ERCC1: variants seen among roughly 807,000 people sequenced by gnomAD.
ERCC1 encodes ERCC excision repair 1, endonuclease non-catalytic subunit, also known as DNA excision repair protein ERCC-1.
ERCC1 carries 36 observed loss-of-function variants against 37.6 expected under a neutral mutation model. That is an observed-to-expected ratio of 0.96 (90% confidence interval 0.73 to 1.26). The LOEUF is 1.26. ERCC1 is among the 50% of genes most tolerant of loss of function. The probability of loss-of-function intolerance (pLI) is 0.00; values close to 1 mark genes in which losing one functional copy is unlikely to be tolerated. For synonymous variants in ERCC1, 156 were observed against 162.1 expected (o/e 0.96, Z 0.28); for missense variants, 349 against 376.5 (o/e 0.93, Z 0.60).
chr19:45,431,313 G>A (rs1391369340), intron 1 of ERCC1, among the ~76,000 whole-genome samples: 1 of 152,186 alleles, frequency 6.6e-6, no homozygotes, highest in Non-Finnish European at 1.5e-5. Flanking sequence ...GCTGTGCATG[G>A]TGGTACATCC....
intron 1 of ERCC1, among the ~76,000 whole-genome samples, chr19:45,430,053 G>A (rs2123567507): frequency 6.6e-6 from 1 of 152,176 alleles, no homozygotes; most frequent in Admixed American, 6.5e-5. Flanking sequence ...CAAAGTGATG[G>A]GATTACAGGC....
chr19:45,409,769 A>G (rs1240151492), intron 9 of ERCC1, 44 bp from the exon 10 acceptor site: 2 of 756,874 alleles, frequency 2.6e-6, no homozygotes, highest in Non-Finnish European at 4.9e-6. Context: ...TCATTAAAGG[A>G]GCTGTTTCCT....
At chr19:45,413,366 A>T (rs1973855539) in intron 9 of ERCC1, 1 of 593,742 alleles carries the variant, frequency 1.7e-6, no homozygotes, top group Admixed American at 3.0e-5. Flanking sequence ...TCCTGGGCTC[A>T]AGCGATCCTC....
At chr19:45,419,844 C>T (rs1974293223) in intron 4 of ERCC1, among the ~76,000 whole-genome samples, 1 of 151,892 alleles carries the variant, frequency 6.6e-6, no homozygotes, top group Non-Finnish European at 1.5e-5. Flanking sequence ...CTGGGCCCAG[C>T]CCCTCCTCCC....
At chr19:45,440,158 A>T (rs184501421) in intron 1 of ERCC1, among the ~76,000 whole-genome samples, 1 of 145,166 alleles carries the variant, frequency 6.9e-6, no homozygotes, top group Non-Finnish European at 1.5e-5. Context: ...CTGCCTTCCT[A>T]CGTCCCCCAC....
rs1973467194 is a variant in ERCC1, at chr19:45,408,226, T to C, written c.*1449A>G. 1 of 1,613,908 alleles carries C rather than the reference T, an allele frequency of 6.2e-7. No individual in the cohort carries two copies. Among genetic ancestry groups the C allele is most frequent in the Non-Finnish European group, 8.5e-7 (1 of 1,179,966 alleles). The stretch of plus-strand genomic sequence containing the variant: ...ACCGCTATCGAGTCCTCAGCAGCTG[T>C]CCCCAAGCTGGAGAAGCGACCCTGC... On this transcript the variant is annotated 3_prime_UTR_variant, in exon 10 of 10. Transcript: ENST00000300853.
chr19:45,421,074 G>A, intron 3 of ERCC1, 104 bp downstream of exon 3: 1 of 927,946 alleles, frequency 1.1e-6, no homozygotes, highest in Non-Finnish European at 1.8e-6. Flanking sequence ...TGAATGGGGA[G>A]AACAAAGTGG....
chr19:45,416,126 C>A (rs904717095), intron 6 of ERCC1, among the ~76,000 whole-genome samples: 8 of 152,082 alleles, frequency 5.3e-5, no homozygotes, highest in African/African-American at 1.2e-4. Context: ...AAGAGCAAGA[C>A]CCTGTCTCAA....
At chr19:45,434,159 A>C (rs111492818) in intron 1 of ERCC1, among the ~76,000 whole-genome samples, 37,479 of 110,230 alleles carry the variant, frequency 0.34, 6,198 homozygotes, top group East Asian at 0.44. Context: ...CACACACAAA[A>C]AAAAAAAAAA....
chr19:45,428,639 T>TG, upstream of ERCC1, among the ~76,000 whole-genome samples: 1 of 151,582 alleles, frequency 6.6e-6, no homozygotes, highest in South Asian at 2.1e-4. Flanking sequence ...CCGGAACGGG[T>TG]GGGGTGGGGA....
rs1973549787 is a variant in ERCC1 at position 45,409,443 on chromosome 19, A to T, written c.*232T>A. On this transcript the variant is annotated 3_prime_UTR_variant, in exon 10 of 10. Coordinates refer to ENST00000300853, the MANE Select transcript of ERCC1 (RefSeq NM_001983.4). ...CCGCCACTGAATTCAGAGTCTGGGG[A>T]GGAGGCTCCCACAGGCCGGGACAAG... 6.2e-7 allele frequency: 1 copy of T among 1,613,462 alleles called. No individual in the cohort carries two copies. Among genetic ancestry groups the T allele is most frequent in the African/African-American group, 1.3e-5 (1 of 75,018 alleles).
In ERCC1 at chr19:45,421,361, A is replaced by C; in HGVS notation, c.138T>G (p.Leu46=). The change falls in exon 3 of 10, where the codon CTT becomes CTG. Residue 46 remains leucine, a synonymous_variant. Transcript: ENST00000300853. The part of the protein sequence containing the change: ...AKPLFRSTQS[L]PTVDTSAQAA... Reference sequence around the variant, plus strand: ...CCTGGGCCGAGGTGTCCACAGTGGGAAGGCTCTGTGTAGATCGGAATAAGG... The same window carrying C: ...CCTGGGCCGAGGTGTCCACAGTGGGCAGGCTCTGTGTAGATCGGAATAAGG... 1.9e-6 allele frequency: 3 copies of C among 1,613,750 alleles called. No individual in the cohort carries two copies. The highest frequency in any genetic ancestry group is 2.5e-6 in the Non-Finnish European group (3 of 1,179,970).
At chr19:45,449,413 G>T (rs1967044564) in intron 1 of ERCC1, among the ~76,000 whole-genome samples, 1 of 152,146 alleles carries the variant, frequency 6.6e-6, no homozygotes, top group African/African-American at 2.4e-5. Flanking sequence ...CCAGCACTTT[G>T]GGAGGCCAAG....
intron 1 of ERCC1, among the ~76,000 whole-genome samples, chr19:45,433,231 A>G (rs894505679): frequency 2.6e-5 from 4 of 152,048 alleles, no homozygotes; most frequent in African/African-American, 9.7e-5. Context: ...CTCTACTAAA[A>G]TTACAAAAAT....
Position 45,407,499 on chromosome 19 carries a change from G to C in ERCC1, c.*2176C>G, listed in dbSNP as rs1363677830. 12 of 442,042 alleles carry C rather than the reference G, an allele frequency of 2.7e-5. No homozygotes were observed. Among genetic ancestry groups the C allele is most frequent in the Non-Finnish European group, 4.4e-5 (11 of 252,116 alleles). 27.4% of individuals were successfully genotyped at this position (442,042 alleles called of 1,614,324 possible). ...TGTGCAGATAAGCTCACTAAAGGTAGGGGCTATTGGTGTTATCCACGACCA... is the reference window on the plus strand; with the variant it reads ...TGTGCAGATAAGCTCACTAAAGGTACGGGCTATTGGTGTTATCCACGACCA... On this transcript the variant is annotated 3_prime_UTR_variant, in exon 10 of 10. Transcript: ENST00000300853.
chr19:45,415,083 C>T, intron 6 of ERCC1, 123 bp from the exon 7 acceptor site: 1 of 659,738 alleles, frequency 1.5e-6, no homozygotes, highest in Non-Finnish European at 2.7e-6. Flanking sequence ...CCTGTAATCC[C>T]AGCACTTTGG....
chr19:45,413,481 G>C (rs980148258), intron 9 of ERCC1, 196 bp downstream of exon 9: 2 of 1,151,026 alleles, frequency 1.7e-6, no homozygotes, highest in Non-Finnish European at 2.6e-6. Context: ...GTGTCCACTT[G>C]CCCAGGCTGG....
In ERCC1 at chr19:45,415,130, T is replaced by C. The variant is rs139093672; in HGVS notation, c.603-170A>G. 8.3e-3 allele frequency among the ~76,000 whole-genome samples: 1,244 copies of C among 150,500 alleles called. 14 individuals are homozygous for C. The highest frequency in any genetic ancestry group is 0.012 in the Non-Finnish European group (841 of 67,678). The stretch of plus-strand genomic sequence containing the variant: ...AGGCAGATCATCTGAGGTCAGGAGT[T>C]CGAGACCAGCCTGGCCAACATGGTG... On this transcript the variant is annotated intron_variant, in intron 6 of 9. Transcript: ENST00000300853.
Position 45,421,285 on chromosome 19 carries a change from C to A in ERCC1, c.214G>T (p.Ala72Ser), listed in dbSNP as rs1568587024. 6.2e-7 allele frequency: 1 copy of A among 1,614,028 alleles called. No homozygotes were observed. The highest frequency in any genetic ancestry group is 8.5e-7 in the Non-Finnish European group (1 of 1,180,026). Residue 72 changes from alanine (A) to serine (S), a missense_variant, in exon 3 of 10, where the codon GCT becomes TCT. Physicochemically the swap from Ala to Ser is moderately conservative, Grantham distance 99 (BLOSUM62 1). Coordinates refer to ENST00000300853, the MANE Select transcript of ERCC1 (RefSeq NM_001983.4). ...EYAISQPLEG[A>S]GATCPTGSEP... ...GACCCTGTGGGGCACGTGGCCCCAG[C>A]CCCTTCCAGAGGCTGTGAGATGGCA...
Sources: gnomAD v4.1 joint callset for allele counts (sites outside exome capture counted in the v4.1 genomes callset) on GRCh38, gnomAD v4.1.1 for gene constraint, MANE v1.5 for transcripts, NCBI Gene and HGNC (gene_info 2026-07-23, HGNC 2026-07-21) for gene names.